Variants in LDLRAD3 observed in about 807,000 individuals in gnomAD.
LDLRAD3 encodes the protein low-density lipoprotein receptor class A domain-containing protein 3.
A neutral mutation model predicts 29.4 loss-of-function variants in LDLRAD3; 20 were observed. The observed-to-expected ratio is 0.68, with a 90% CI of 0.48 to 0.99. The LOEUF (loss-of-function observed/expected upper bound fraction) is 0.99. Among genes scored for constraint, LDLRAD3 ranks in the 50% least tolerant of loss-of-function variants. The pLI is 0.00. For synonymous variants in LDLRAD3, 157 were observed against 192.7 expected (o/e 0.81, Z 1.53); for missense variants, 420 against 454.3 (o/e 0.92, Z 0.69).
At chr11:36,206,285 T>C (rs1855207402) in intron 4 of LDLRAD3, among the ~76,000 whole-genome samples, 1 of 152,238 alleles carries the variant, frequency 6.6e-6, no homozygotes, top group South Asian at 2.1e-4. Flanking sequence ...GCTTTACAGA[T>C]ATTTTAGAAT....
intron 1 of LDLRAD3, among the ~76,000 whole-genome samples, chr11:35,949,176 T>C (rs984870916): frequency 6.6e-6 from 1 of 152,202 alleles, no homozygotes; most frequent in Non-Finnish European, 1.5e-5. Flanking sequence ...TAACCAGGAA[T>C]GCCGTCAGCA....
chr11:36,158,847 G>A (rs1854393254), intron 4 of LDLRAD3, among the ~76,000 whole-genome samples: 1 of 151,994 alleles, frequency 6.6e-6, no homozygotes, highest in African/African-American at 2.4e-5. Flanking sequence ...ACAATGTGTT[G>A]TAATCCATGT....
At chr11:36,016,443 GGTGA>G (rs1318840952) in intron 1 of LDLRAD3, among the ~76,000 whole-genome samples, 1 of 152,104 alleles carries the variant, frequency 6.6e-6, no homozygotes, top group African/African-American at 2.4e-5. Context: ...TTTGTAATTT[GGTGA>G]GTAAGATGAC....
intron 1 of LDLRAD3, among the ~76,000 whole-genome samples, chr11:36,033,833 T>G (rs1852270973): frequency 6.6e-6 from 1 of 152,206 alleles, no homozygotes; most frequent in Non-Finnish European, 1.5e-5. Flanking sequence ...TGGAGTCCGG[T>G]CTTGAGAGGG....
At chr11:36,024,394 T>C (rs1023832174) in intron 1 of LDLRAD3, among the ~76,000 whole-genome samples, 2 of 152,238 alleles carry the variant, frequency 1.3e-5, no homozygotes, top group Non-Finnish European at 2.9e-5. Flanking sequence ...ATCATCCCTC[T>C]ATCCCTCAGC....
At chr11:35,959,747 C>T (rs1270418486) in intron 1 of LDLRAD3, among the ~76,000 whole-genome samples, 3 of 151,964 alleles carry the variant, frequency 2.0e-5, no homozygotes, top group Non-Finnish European at 4.4e-5. Context: ...CATGGTGAAA[C>T]CCCATCTCTA....
intron 2 of LDLRAD3, among the ~76,000 whole-genome samples, chr11:36,076,222 G>GTCCATCCATCCATCCA (rs56767260): frequency 4.1e-5 from 6 of 145,402 alleles, no homozygotes; most frequent in Admixed American, 6.7e-5. Flanking sequence ...CTGTCCATCC[G>GTCCATCCATCCATCCA]TCCATCCATC....
intron 1 of LDLRAD3, among the ~76,000 whole-genome samples, chr11:36,001,588 TG>T (rs1232702098): frequency 5.3e-5 from 8 of 152,218 alleles, no homozygotes; most frequent in African/African-American, 1.7e-4. Flanking sequence ...TTTGTTTCTG[TG>T]GTGGTCTTTA....
In LDLRAD3 at chr11:36,157,162, A is replaced by G. The variant is rs542418084; in HGVS notation, c.454+58701A>G. ...GACCCCATTCAGAATGCTCCCAGTA[A>G]TGCTGTAAGGGGCTGATGGGGTCTC... is the stretch of plus-strand genomic sequence containing the variant. On this transcript the variant is annotated intron_variant, in intron 4 of 5. Coordinates refer to ENST00000315571, the MANE Select transcript of LDLRAD3 (RefSeq NM_174902.4). Among the ~76,000 whole-genome samples, 6 of 152,312 alleles carry G rather than the reference A, an allele frequency of 3.9e-5. No homozygotes were observed. In the South Asian group the frequency reaches 1.2e-3, roughly 32 times the overall value.
At chr11:36,015,853 G>A (rs189483973) in intron 1 of LDLRAD3, among the ~76,000 whole-genome samples, 3 of 152,234 alleles carry the variant, frequency 2.0e-5, no homozygotes, top group African/African-American at 7.2e-5. Flanking sequence ...TTGGCGACCC[G>A]ACCTCCCACA....
At chr11:36,050,061 T>G (rs1472295676) in intron 2 of LDLRAD3, among the ~76,000 whole-genome samples, 1 of 152,112 alleles carries the variant, frequency 6.6e-6, no homozygotes, top group East Asian at 1.9e-4. Context: ...TTTTGTTTAT[T>G]TGGAGAGAGG....
intron 1 of LDLRAD3, among the ~76,000 whole-genome samples, chr11:35,959,418 T>C (rs566894594): frequency 2.0e-5 from 3 of 152,250 alleles, no homozygotes; most frequent in East Asian, 1.9e-4. Context: ...AGTTTATTTA[T>C]GCTTGTTCTC....
intron 2 of LDLRAD3, among the ~76,000 whole-genome samples, chr11:36,076,233 C>T (rs1363834081): frequency 6.6e-6 from 1 of 151,794 alleles, no homozygotes; most frequent in Admixed American, 6.6e-5. Context: ...TCCATCCATC[C>T]ATCCATCCAT....
At chr11:36,083,775 CACA>C (rs559910976) in intron 3 of LDLRAD3, among the ~76,000 whole-genome samples, 62 of 125,104 alleles carry the variant, frequency 5.0e-4, no homozygotes, top group South Asian at 1.6e-3. Context: ...CACACACACA[CACA>C]CACCCCAGAA....
At chr11:36,225,511 A>G (rs930263171) in intron 4 of LDLRAD3, among the ~76,000 whole-genome samples, 2 of 152,088 alleles carry the variant, frequency 1.3e-5, no homozygotes, top group Admixed American at 6.5e-5. Flanking sequence ...TGGGATGTGT[A>G]CCAGACCTTC....
intron 4 of LDLRAD3, among the ~76,000 whole-genome samples, chr11:36,120,958 A>G (rs1853747097): frequency 6.6e-6 from 1 of 152,118 alleles, no homozygotes; most frequent in South Asian, 2.1e-4. Context: ...ACCAGACCCT[A>G]ATTCTACCAG....
chr11:35,976,724 G>T (rs1423112799), intron 1 of LDLRAD3, among the ~76,000 whole-genome samples: 13 of 152,118 alleles, frequency 8.5e-5, no homozygotes, highest in African/African-American at 3.1e-4. Context: ...GGTGGGGGTG[G>T]GGAAGGACAC....
Position 36,193,518 on chromosome 11 carries a change from G to A in LDLRAD3, c.455-33567G>A, listed in dbSNP as rs550299213. On this transcript the variant is annotated intron_variant, in intron 4 of 5. Coordinates refer to ENST00000315571, the MANE Select transcript of LDLRAD3 (RefSeq NM_174902.4). ...CAGCCTGTTATTTAAAGCTTTGCAC[G>A]CTGAGATGTGTGCTTTGCATCTTTT... is the stretch of plus-strand genomic sequence containing the variant. Among the ~76,000 whole-genome samples the A allele has an allele frequency of 1.6e-4, 24 of 152,246 alleles. No homozygotes were observed. The South Asian group carries it at 4.4e-3, about 28-fold the overall frequency.
chr11:36,079,350 T>G (rs1853072834), intron 2 of LDLRAD3, among the ~76,000 whole-genome samples: 1 of 152,144 alleles, frequency 6.6e-6, no homozygotes, highest in South Asian at 2.1e-4. Flanking sequence ...TTAAATTCTA[T>G]GAACTTAGTG....
Sources: allele counts gnomAD v4.1 joint callset (sites outside exome capture counted in the v4.1 genomes callset), GRCh38; gene constraint gnomAD v4.1.1; transcripts MANE v1.5; gene names NCBI Gene and HGNC (gene_info 2026-07-23, HGNC 2026-07-21).